The following PRKACB variants were observed in gnomAD, a reference collection of about 807,000 sequenced individuals.
The protein encoded by PRKACB is protein kinase cAMP-activated catalytic subunit beta, also known as cAMP-dependent protein kinase catalytic subunit beta.
A neutral mutation model predicts 51.4 loss-of-function variants in PRKACB; 16 were observed. The ratio of observed to expected loss-of-function variants is 0.31; its 90% CI spans 0.21 to 0.47. PRKACB has a LOEUF of 0.47. Among genes scored for constraint, PRKACB ranks in the 20% least tolerant of loss-of-function variants. The pLI, the probability that PRKACB is intolerant of heterozygous loss-of-function variation, is 1.00. For missense variants in PRKACB, 309 were observed against 464.5 expected (o/e 0.67, Z 3.08); for synonymous variants, 147 against 154.4 (o/e 0.95, Z 0.35).
At chr1:84,079,670 A>T (rs1290083592) in intron 1 of PRKACB, among the ~76,000 whole-genome samples, 1 of 152,050 alleles carries the variant, frequency 6.6e-6, no homozygotes, top group Non-Finnish European at 1.5e-5. Flanking sequence ...ATGTTATTTT[A>T]TTATTATTTT....
chr1:84,130,706 A>G (rs1652100900), intron 1 of PRKACB, among the ~76,000 whole-genome samples: 1 of 152,188 alleles, frequency 6.6e-6, no homozygotes. Context: ...CAACATCCAA[A>G]GATATAACCA....
chr1:84,139,403 A>G (rs1343859952), upstream of PRKACB, among the ~76,000 whole-genome samples: 1 of 152,206 alleles, frequency 6.6e-6, no homozygotes, highest in Non-Finnish European at 1.5e-5. Flanking sequence ...GGTTTTTGCC[A>G]TTGAAAGTAA....
At chr1:84,111,407 G>A (rs1015349190) in intron 1 of PRKACB, among the ~76,000 whole-genome samples, 1 of 151,958 alleles carries the variant, frequency 6.6e-6, no homozygotes, top group Non-Finnish European at 1.5e-5. Context: ...AAAATATGGG[G>A]TTAGTTCAAT....
intron 1 of PRKACB, among the ~76,000 whole-genome samples, chr1:84,131,311 T>G (rs1250354515): frequency 6.8e-6 from 1 of 147,876 alleles, no homozygotes; most frequent in Non-Finnish European, 1.5e-5. Flanking sequence ...ACCACTGCAC[T>G]CCAGCCTGGG....
chr1:84,144,662 G>C, intron 1 of PRKACB, 114 bp downstream of exon 1: 1 of 1,159,090 alleles, frequency 8.6e-7, no homozygotes, highest in East Asian at 2.8e-5. Context: ...ATTTTCACAA[G>C]GACATTTTGC....
At chr1:84,158,527 T>C (rs568112534) in intron 1 of PRKACB, among the ~76,000 whole-genome samples, 3 of 152,188 alleles carry the variant, frequency 2.0e-5, no homozygotes, top group Non-Finnish European at 4.4e-5. Context: ...TCGTTTTTCT[T>C]CTTATTATCA....
At chr1:84,081,293 A>G (rs925466621) in intron 1 of PRKACB, among the ~76,000 whole-genome samples, 8 of 152,156 alleles carry the variant, frequency 5.3e-5, no homozygotes, top group African/African-American at 1.9e-4. Flanking sequence ...CTCTATTAGA[A>G]TTAACATTTT....
upstream of PRKACB, among the ~76,000 whole-genome samples, chr1:84,139,684 A>G (rs781211750): frequency 6.6e-6 from 1 of 152,226 alleles, no homozygotes; most frequent in Non-Finnish European, 1.5e-5. Flanking sequence ...CAGCAAGATT[A>G]TATTTGTAGA....
intron 8 of PRKACB, among the ~76,000 whole-genome samples, chr1:84,208,228 T>A (rs1053288098): frequency 6.6e-6 from 1 of 152,208 alleles, no homozygotes; most frequent in Non-Finnish European, 1.5e-5. Context: ...TACTTTTTGG[T>A]TGTAACTTCA....
chr1:84,141,299 C>A (rs1367702910), upstream of PRKACB, among the ~76,000 whole-genome samples: 2 of 151,976 alleles, frequency 1.3e-5, no homozygotes, highest in South Asian at 4.2e-4. Flanking sequence ...CAATATACTT[C>A]TTAAAGTTAA....
At chr1:84,132,563 A>C (rs1351698804) in intron 1 of PRKACB, among the ~76,000 whole-genome samples, 2 of 152,214 alleles carry the variant, frequency 1.3e-5, no homozygotes, top group Non-Finnish European at 1.5e-5. Context: ...CAGATGTTAC[A>C]GATATGCGAA....
At chr1:84,164,440 A>G (rs1231497649) in intron 1 of PRKACB, 4 of 1,564,856 alleles carry the variant, frequency 2.6e-6, no homozygotes, top group Non-Finnish European at 3.5e-6. Context: ...TTTGAAGAAA[A>G]CAGCAATTTT....
At chr1:84,211,550 A>G (rs1342664046) in intron 8 of PRKACB, among the ~76,000 whole-genome samples, 1 of 152,196 alleles carries the variant, frequency 6.6e-6, no homozygotes, top group Non-Finnish European at 1.5e-5. Context: ...AATGTGCAGC[A>G]AAATATTTTT....
At chr1:84,208,735 C>T (rs1485333837) in intron 8 of PRKACB, among the ~76,000 whole-genome samples, 1 of 152,202 alleles carries the variant, frequency 6.6e-6, no homozygotes, top group Non-Finnish European at 1.5e-5. Context: ...GAATTAATGT[C>T]TACAGAATAC....
At chr1:84,126,078 G>T (rs1482481588) in intron 1 of PRKACB, among the ~76,000 whole-genome samples, 2 of 151,704 alleles carry the variant, frequency 1.3e-5, no homozygotes, top group Admixed American at 1.3e-4. Context: ...AAGCTTCCTG[G>T]GGGGTGGGGG....
intron 1 of PRKACB, among the ~76,000 whole-genome samples, chr1:84,134,016 C>A (rs185791641): frequency 1.2e-4 from 18 of 152,214 alleles, no homozygotes; most frequent in Admixed American, 1.2e-3. Context: ...ATGGAAGTGG[C>A]TCTCAGCGGG....
chr1:84,102,023 G>A (rs1649384440), intron 1 of PRKACB, among the ~76,000 whole-genome samples: 2 of 151,942 alleles, frequency 1.3e-5, no homozygotes, highest in African/African-American at 4.8e-5. Context: ...AATACTGTAA[G>A]ACCCTTTGCT....
At chr1:84,078,559 G>T (rs1026552003) in intron 1 of PRKACB, among the ~76,000 whole-genome samples, 8 of 152,240 alleles carry the variant, frequency 5.3e-5, no homozygotes, top group Non-Finnish European at 1.2e-4. Context: ...TCCGCGTTGA[G>T]AGCTGAACGC....
chr1:84,232,811 C>A (rs1235241471), intron 9 of PRKACB, among the ~76,000 whole-genome samples: 1 of 152,184 alleles, frequency 6.6e-6, no homozygotes, highest in Non-Finnish European at 1.5e-5. Flanking sequence ...TGTGTCTCTG[C>A]ATGTGAGATG....
Sources: gnomAD v4.1 joint callset for allele counts (sites outside exome capture counted in the v4.1 genomes callset) on GRCh38, gnomAD v4.1.1 for gene constraint, MANE v1.5 for transcripts, NCBI Gene and HGNC (gene_info 2026-07-23, HGNC 2026-07-21) for gene names.